Variants in MOB3B observed in about 807,000 individuals in gnomAD.
MOB3B encodes the protein MOB kinase activator-like 2B.
In MOB3B, 7 loss-of-function variants were observed where a neutral mutation model predicts 18.7. The observed-to-expected ratio is 0.37, with a 90% CI of 0.21 to 0.70. The LOEUF (loss-of-function observed/expected upper bound fraction) is 0.70. Ranked by LOEUF, MOB3B falls within the 30% of genes least tolerant of loss-of-function variation. The pLI is 0.52. For missense variants in MOB3B, 253 were observed against 281.3 expected, an observed-to-expected ratio of 0.90 and a Z score of 0.72; for synonymous variants, 111 against 99.9, an observed-to-expected ratio of 1.11 and a Z score of -0.66.
At chr9:27,360,109 T>C (rs529039963) in intron 2 of MOB3B, among the ~76,000 whole-genome samples, 26 of 152,318 alleles carry the variant, frequency 1.7e-4, no homozygotes, top group African/African-American at 5.1e-4. Context: ...GGGAAGGTAT[T>C]AATGTAAGAT....
At chr9:27,355,725 AATT>A (rs1160232360) in intron 3 of MOB3B, among the ~76,000 whole-genome samples, 1 of 148,270 alleles carries the variant, frequency 6.7e-6, no homozygotes, top group Non-Finnish European at 1.5e-5. Context: ...GTGCCTGGCT[AATT>A]TTTTTTTGTA....
intron 3 of MOB3B, chr9:27,358,764 A>C (rs1176248466): frequency 1.5e-6 from 1 of 650,268 alleles, no homozygotes; most frequent in Non-Finnish European, 2.9e-6. Flanking sequence ...TTTGGAATTG[A>C]AAGTTAAAGC....
intron 3 of MOB3B, among the ~76,000 whole-genome samples, chr9:27,341,117 G>T (rs1024994884): frequency 1.3e-5 from 2 of 152,214 alleles, no homozygotes; most frequent in Admixed American, 1.3e-4. Context: ...CTTTCTATCA[G>T]GAGTGGGAGG....
At chr9:27,346,306 T>C (rs10967903) in intron 3 of MOB3B, among the ~76,000 whole-genome samples, 2,103 of 152,318 alleles carry the variant, frequency 0.014, 26 homozygotes, top group Non-Finnish European at 0.02. Context: ...GCCAGAGGCA[T>C]TGTGTTATAG....
At chr9:27,481,544 G>T (rs1268710478) in intron 1 of MOB3B, among the ~76,000 whole-genome samples, 1 of 136,214 alleles carries the variant, frequency 7.3e-6, no homozygotes, top group Admixed American at 8.0e-5. Context: ...TTGAGACGGA[G>T]TCTAGCTCTG....
chr9:27,421,494 C>G (rs2131412727), intron 2 of MOB3B: 1 of 152,398 alleles, frequency 6.6e-6, no homozygotes, highest in South Asian at 2.1e-4. Context: ...ACCTTGGGTG[C>G]TCCTTTCAAA....
chr9:27,432,761 A>C (rs1241224717), intron 2 of MOB3B, among the ~76,000 whole-genome samples: 2 of 152,210 alleles, frequency 1.3e-5, no homozygotes, highest in Non-Finnish European at 2.9e-5. Context: ...TATGCATTTT[A>C]ATCAGTGTTA....
intron 1 of MOB3B, among the ~76,000 whole-genome samples, chr9:27,480,053 T>A (rs1374694001): frequency 2.3e-4 from 33 of 141,924 alleles, no homozygotes; most frequent in Non-Finnish European, 4.9e-4. Flanking sequence ...CAAGATACTG[T>A]CTCTTTAAAA....
chr9:27,409,360 G>A (rs893014342), intron 2 of MOB3B, among the ~76,000 whole-genome samples: 16 of 152,288 alleles, frequency 1.1e-4, no homozygotes, highest in African/African-American at 3.6e-4. Context: ...TCTTTAAAAT[G>A]TTTGATCATA....
chr9:27,338,525 G>C (rs563576643), intron 3 of MOB3B, among the ~76,000 whole-genome samples: 2 of 152,242 alleles, frequency 1.3e-5, no homozygotes, highest in East Asian at 3.9e-4. Flanking sequence ...ACATCAGGCT[G>C]CTTGCTGCAG....
intron 1 of MOB3B, 148 bp from the exon 2 acceptor site, chr9:27,455,896 G>T: frequency 1.5e-6 from 1 of 663,290 alleles, no homozygotes; most frequent in Non-Finnish European, 2.1e-6. Context: ...ACTGCCCTGT[G>T]ACTCTGTACT....
At chr9:27,426,922 C>A (rs1042953268) in intron 2 of MOB3B, among the ~76,000 whole-genome samples, 2 of 152,286 alleles carry the variant, frequency 1.3e-5, no homozygotes, top group South Asian at 4.1e-4. Context: ...AGGCGGGATG[C>A]TTGATTTTTC....
chr9:27,510,369 C>T (rs919867995), intron 1 of MOB3B, among the ~76,000 whole-genome samples: 13 of 152,292 alleles, frequency 8.5e-5, no homozygotes, highest in Admixed American at 2.0e-4. Flanking sequence ...TCCCTGTATT[C>T]CATCTTAATT....
intron 2 of MOB3B, among the ~76,000 whole-genome samples, chr9:27,376,288 C>T (rs1311742383): frequency 1.3e-5 from 2 of 152,202 alleles, no homozygotes; most frequent in Non-Finnish European, 2.9e-5. Flanking sequence ...TGGCTAAATT[C>T]TTAGGAGTGG....
chr9:27,502,307 C>A (rs1400813858), intron 1 of MOB3B, among the ~76,000 whole-genome samples: 1 of 152,200 alleles, frequency 6.6e-6, no homozygotes. Flanking sequence ...CCAAATAATA[C>A]TTAATACTAA....
intron 2 of MOB3B, among the ~76,000 whole-genome samples, chr9:27,429,735 G>T (rs749409865): frequency 2.6e-5 from 4 of 152,140 alleles, no homozygotes; most frequent in Non-Finnish European, 4.4e-5. Context: ...TGGTGCTGGT[G>T]GAAGATTGCC....
intron 2 of MOB3B, among the ~76,000 whole-genome samples, chr9:27,415,617 C>A (rs1488415955): frequency 6.6e-6 from 1 of 152,172 alleles, no homozygotes; most frequent in Non-Finnish European, 1.5e-5. Context: ...CATTTTATAT[C>A]AGTGTAAATT....
At chr9:27,474,521 A>T (rs922304325) in intron 1 of MOB3B, among the ~76,000 whole-genome samples, 1 of 152,210 alleles carries the variant, frequency 6.6e-6, no homozygotes, top group Admixed American at 6.5e-5. Flanking sequence ...TAATGGCATA[A>T]TCCAGGTCAT....
intron 2 of MOB3B, among the ~76,000 whole-genome samples, chr9:27,399,703 T>C (rs915513114): frequency 3.3e-5 from 5 of 152,154 alleles, no homozygotes; most frequent in African/African-American, 9.7e-5. Flanking sequence ...ATTTGTATAT[T>C]CAATCTTAAC....
Sources: gnomAD v4.1 joint callset for allele counts (sites outside exome capture counted in the v4.1 genomes callset) on GRCh38, gnomAD v4.1.1 for gene constraint, MANE v1.5 for transcripts, NCBI Gene and HGNC (gene_info 2026-07-23, HGNC 2026-07-21) for gene names.